The following CNTNAP2 variants were observed in gnomAD, a reference collection of about 807,000 sequenced individuals.
The protein encoded by CNTNAP2 is contactin associated protein 2, also known as contactin-associated protein-like 2.
A neutral mutation model predicts 155.2 loss-of-function variants in CNTNAP2; 98 were observed. The observed-to-expected ratio is 0.63, with a 90% CI of 0.54 to 0.75. CNTNAP2 has a LOEUF of 0.75. CNTNAP2 is among the 30% of genes least tolerant of loss of function. The pLI is 0.00. For synonymous variants in CNTNAP2, 651 were observed against 631.2 expected, an observed-to-expected ratio of 1.03 and a Z score of -0.47; for missense variants, 1,727 against 1,688.1, an observed-to-expected ratio of 1.02 and a Z score of -0.40.
At chr7:147,507,386 C>G (rs1301301897) in intron 11 of CNTNAP2, among the ~76,000 whole-genome samples, 1 of 152,042 alleles carries the variant, frequency 6.6e-6, no homozygotes, top group Non-Finnish European at 1.5e-5. Flanking sequence ...TCTCTCTTCA[C>G]CCGCTCCTCC....
At chr7:146,509,769 G>A (rs1797439496) in intron 1 of CNTNAP2, among the ~76,000 whole-genome samples, 1 of 152,082 alleles carries the variant, frequency 6.6e-6, no homozygotes, top group Admixed American at 6.6e-5. Flanking sequence ...ATCCTGCAGG[G>A]ACTGAGCATG....
intron 18 of CNTNAP2, among the ~76,000 whole-genome samples, chr7:148,205,832 G>A (rs752479825): frequency 1.4e-4 from 21 of 152,126 alleles, no homozygotes; most frequent in Non-Finnish European, 2.9e-4. Flanking sequence ...GAGGCCAGGG[G>A]CTAGCTGGGA....
At chr7:147,702,291 G>T (rs1309990621) in intron 13 of CNTNAP2, among the ~76,000 whole-genome samples, 1 of 151,918 alleles carries the variant, frequency 6.6e-6, no homozygotes, top group Non-Finnish European at 1.5e-5. Context: ...CTTATAAAAA[G>T]TGTTTATATC....
chr7:148,215,627 A>G (rs78410409), intron 18 of CNTNAP2, among the ~76,000 whole-genome samples: 22,881 of 151,916 alleles, frequency 0.15, 1,929 homozygotes, highest in Admixed American at 0.22. Flanking sequence ...ATACAACGGT[A>G]ACCTGTCTTT....
intron 2 of CNTNAP2, among the ~76,000 whole-genome samples, chr7:146,807,790 A>T (rs1802994473): frequency 6.6e-6 from 1 of 151,958 alleles, no homozygotes; most frequent in Admixed American, 6.6e-5. Context: ...AAAAAAATAT[A>T]TATGTCTCAT....
At position 147,193,355 on chromosome 7, in the gene CNTNAP2, C is replaced by T. The variant is rs191611133; in HGVS notation, c.1348+60846C>T. Among the ~76,000 whole-genome samples the T allele has an allele frequency of 1.6e-3, 247 of 152,236 alleles. 2 individuals carry two copies. The highest frequency in any genetic ancestry group is 5.8e-3 in the African/African-American group (241 of 41,560). On this transcript the variant is annotated intron_variant, in intron 8 of 23. Coordinates refer to ENST00000361727, the MANE Select transcript of CNTNAP2 (RefSeq NM_014141.6). ...CCTGTCGAACAGGCTGCTAATGAAA[C>T]CTTCTGGGAAGTTGTTGTGTAGATT...
chr7:147,108,064 C>T (rs1048304060), intron 4 of CNTNAP2, 83 bp from the exon 5 acceptor site: 8 of 1,218,666 alleles, frequency 6.6e-6, no homozygotes, highest in Middle Eastern at 2.6e-4. Flanking sequence ...ACTTAATTCT[C>T]ATTTATTCTT....
At chr7:146,755,366 A>AT in intron 1 of CNTNAP2, among the ~76,000 whole-genome samples, 1 of 152,062 alleles carries the variant, frequency 6.6e-6, no homozygotes, top group East Asian at 1.9e-4. Flanking sequence ...CAAGAAAAAT[A>AT]TTTTCCACAT....
rs556567791 is a variant in CNTNAP2 at position 147,883,913 on chromosome 7, G to T, written c.2099-19652G>T. ...CAACTCTACTGGATCATAAACTCTA[G>T]TGGGAGGGGACAAAATAAACAATAA... is the stretch of plus-strand genomic sequence containing the variant. On this transcript the variant is annotated intron_variant, in intron 13 of 23. Transcript: ENST00000361727. 5.9e-5 allele frequency among the ~76,000 whole-genome samples: 9 copies of T among 152,250 alleles called. No individual in the cohort carries two copies. In the South Asian group the frequency reaches 1.7e-3, roughly 28 times the overall value.
intron 1 of CNTNAP2, among the ~76,000 whole-genome samples, chr7:146,124,925 C>T (rs1039193589): frequency 6.6e-6 from 1 of 152,052 alleles, no homozygotes; most frequent in Non-Finnish European, 1.5e-5. Flanking sequence ...ACGTATAATC[C>T]CATGAGATTT....
At chr7:146,391,269 A>C (rs894831763) in intron 1 of CNTNAP2, among the ~76,000 whole-genome samples, 3 of 151,748 alleles carry the variant, frequency 2.0e-5, no homozygotes, top group Non-Finnish European at 4.4e-5. Context: ...GTAACCAATA[A>C]ACAAAGCAGC....
intron 13 of CNTNAP2, among the ~76,000 whole-genome samples, chr7:147,783,201 A>G (rs1473999372): frequency 6.6e-6 from 1 of 152,216 alleles, no homozygotes; most frequent in Non-Finnish European, 1.5e-5. Context: ...GTTTTAGGTA[A>G]GTTGGGAATT....
intron 1 of CNTNAP2, among the ~76,000 whole-genome samples, chr7:146,599,387 A>G (rs186507714): frequency 1.7e-3 from 254 of 152,120 alleles, no homozygotes; most frequent in African/African-American, 5.5e-3. Context: ...AATGCCTCCT[A>G]TAAGTCTAAC....
At chr7:147,776,985 C>T (rs1797594399) in intron 13 of CNTNAP2, among the ~76,000 whole-genome samples, 1 of 151,352 alleles carries the variant, frequency 6.6e-6, no homozygotes, top group African/African-American at 2.4e-5. Context: ...GTACATGTCT[C>T]AAAAAAAGAC....
intron 16 of CNTNAP2, among the ~76,000 whole-genome samples, chr7:148,127,032 C>T (rs79191446): frequency 4.6e-5 from 7 of 152,202 alleles, no homozygotes; most frequent in Non-Finnish European, 7.4e-5. Context: ...AGTCTGGGCA[C>T]GGTGGCTCAT....
intron 13 of CNTNAP2, among the ~76,000 whole-genome samples, chr7:147,699,961 G>T (rs1410726022): frequency 6.6e-6 from 1 of 152,110 alleles, no homozygotes; most frequent in African/African-American, 2.4e-5. Context: ...CTGGCTTCTT[G>T]TACTTAGCAT....
chr7:146,430,175 GT>G (rs60402262), intron 1 of CNTNAP2, among the ~76,000 whole-genome samples: 62,977 of 145,860 alleles, frequency 0.43, 15,413 homozygotes, highest in African/African-American at 0.7. Flanking sequence ...TTTGCCTGAA[GT>G]TTTTTTTTTT....
chr7:146,408,443 C>T (rs991784262), intron 1 of CNTNAP2, among the ~76,000 whole-genome samples: 15 of 151,996 alleles, frequency 9.9e-5, no homozygotes, highest in Admixed American at 7.2e-4. Context: ...GCAATTTCCT[C>T]GAAGGTGAAC....
intron 3 of CNTNAP2, among the ~76,000 whole-genome samples, chr7:146,862,603 G>A (rs370694666): frequency 6.6e-6 from 1 of 152,184 alleles, no homozygotes; most frequent in Non-Finnish European, 1.5e-5. Flanking sequence ...CTGGGGGAAA[G>A]GCATAATGTT....
Sources: gnomAD v4.1 joint callset for allele counts (sites outside exome capture counted in the v4.1 genomes callset) on GRCh38, gnomAD v4.1.1 for gene constraint, MANE v1.5 for transcripts, NCBI Gene and HGNC (gene_info 2026-07-23, HGNC 2026-07-21) for gene names.